MGAT5: variants seen among roughly 807,000 people sequenced by gnomAD.
MGAT5 encodes the protein alpha-1,6-mannosylglycoprotein 6-beta-N-acetylglucosaminyltransferase A.
In MGAT5, 30 loss-of-function variants were observed where a neutral mutation model predicts 94.3. The observed-to-expected ratio is 0.32, with a 90% CI of 0.24 to 0.43. The LOEUF (loss-of-function observed/expected upper bound fraction) is 0.43, where lower values mean the gene tolerates loss of function less well. Among genes scored for constraint, MGAT5 ranks in the 20% least tolerant of loss-of-function variants. The pLI, the probability that MGAT5 is intolerant of heterozygous loss-of-function variation, is 1.00. For synonymous variants in MGAT5, 310 were observed against 322.9 expected, an observed-to-expected ratio of 0.96 and a Z score of 0.43; for missense variants, 691 against 905.5, an observed-to-expected ratio of 0.76 and a Z score of 3.04.
intron 2 of MGAT5, among the ~76,000 whole-genome samples, chr2:134,286,116 A>AC (rs1331434457): frequency 8.0e-6 from 1 of 124,584 alleles, no homozygotes; most frequent in Non-Finnish European, 1.8e-5. Context: ...AAAAATTCTT[A>AC]CCCTTACCAA....
At chr2:134,300,604 A>G (rs7606775) in intron 2 of MGAT5, among the ~76,000 whole-genome samples, 84,018 of 152,052 alleles carry the variant, frequency 0.55, 26,489 homozygotes, top group Non-Finnish European at 0.71. Flanking sequence ...CAAGATTACA[A>G]TTTCCAAGAT....
chr2:134,196,847 G>T (rs1376366387), intron 1 of MGAT5, among the ~76,000 whole-genome samples: 2 of 152,200 alleles, frequency 1.3e-5, no homozygotes, highest in Non-Finnish European at 2.9e-5. Context: ...CAAAACATTG[G>T]CTGCCCCTAG....
At chr2:134,270,259 T>C in intron 1 of MGAT5, 127 bp from the exon 2 acceptor site, 3 of 898,032 alleles carry the variant, frequency 3.3e-6, no homozygotes, top group Non-Finnish European at 5.0e-6. Flanking sequence ...CAGATGTGGT[T>C]TGACAGATCT....
intron 1 of MGAT5, among the ~76,000 whole-genome samples, chr2:134,165,668 G>A (rs988941642): frequency 1.3e-5 from 2 of 152,076 alleles, no homozygotes; most frequent in Non-Finnish European, 2.9e-5. Context: ...CCAGCTACTC[G>A]GGAGGCTGAG....
At chr2:134,172,622 G>A (rs972447253) in intron 1 of MGAT5, among the ~76,000 whole-genome samples, 10 of 152,214 alleles carry the variant, frequency 6.6e-5, no homozygotes, top group Non-Finnish European at 5.9e-5. Context: ...TCCTGACCTC[G>A]TGATTCTCCC....
In MGAT5 at chr2:134,175,199, G is replaced by A. The variant is rs1688402271; in HGVS notation, c.-143+54908G>A. 2.0e-5 allele frequency among the ~76,000 whole-genome samples: 3 copies of A among 152,150 alleles called. No homozygotes were observed. The South Asian group carries it at 6.2e-4, about 32-fold the overall frequency. On this transcript the variant is annotated intron_variant, in intron 1 of 16. Coordinates refer to the MGAT5 transcript ENST00000409645. ...TGGCAAGAGATTTTCATGTTTCTTT[G>A]TCTTTCCCTAGAAAATGTCTAAATA... is the stretch of plus-strand genomic sequence containing the variant.
chr2:134,215,125 C>G (rs1680411383), intron 1 of MGAT5, among the ~76,000 whole-genome samples: 1 of 152,186 alleles, frequency 6.6e-6, no homozygotes, highest in Admixed American at 6.5e-5. Context: ...GTATAGTATT[C>G]CATTGTGTGC....
chr2:134,130,207 G>GCCCCACACCA (rs1686070535), intron 1 of MGAT5, among the ~76,000 whole-genome samples: 1 of 67,640 alleles, frequency 1.5e-5, no homozygotes, highest in Non-Finnish European at 3.0e-5. Flanking sequence ...AGCCCGCCCC[G>GCCCCACACCA]CCCCACACCG....
At chr2:134,428,559 A>C in intron 14 of MGAT5, 120 bp downstream of exon 14, 1 of 848,708 alleles carries the variant, frequency 1.2e-6, no homozygotes, top group East Asian at 2.6e-5. Context: ...GCTTTGGGAG[A>C]CTCTAGAAGC....
intron 14 of MGAT5, among the ~76,000 whole-genome samples, chr2:134,438,002 G>A (rs921378788): frequency 1.5e-5 from 2 of 135,414 alleles, no homozygotes; most frequent in East Asian, 4.4e-4. Context: ...GTGACACAGC[G>A]AGACTCCGTC....
intron 14 of MGAT5, among the ~76,000 whole-genome samples, chr2:134,432,550 G>T (rs1323491020): frequency 6.6e-6 from 1 of 152,150 alleles, no homozygotes; most frequent in Non-Finnish European, 1.5e-5. Context: ...AGGGGAGAAG[G>T]TTGGTACTAG....
At chr2:134,206,532 A>AGTAGGCTCTGTAGT (rs1283479963) in intron 1 of MGAT5, among the ~76,000 whole-genome samples, 7 of 151,864 alleles carry the variant, frequency 4.6e-5, no homozygotes, top group Non-Finnish European at 8.8e-5. Flanking sequence ...AGAAATCTGA[A>AGTAGGCTCTGTAGT]ACGGCTCTGT....
chr2:134,244,084 T>C (rs569996273), intron 1 of MGAT5, among the ~76,000 whole-genome samples: 7 of 152,318 alleles, frequency 4.6e-5, no homozygotes, highest in Admixed American at 2.6e-4. Context: ...TTTACACTTA[T>C]TATAAAATTT....
At position 134,167,187 on chromosome 2, in the gene MGAT5, TA is replaced by T. The variant is rs532330659; in HGVS notation, c.-143+46897del. Among the ~76,000 whole-genome samples, 485 of 152,302 alleles carry T rather than the reference TA, an allele frequency of 3.2e-3. 1 individual carries two copies. The highest frequency in any genetic ancestry group is 0.011 in the African/African-American group (445 of 41,556). ...ATAACAGGCAGCAGTCACCTTCCAT[TA>T]GGGGCGGGAGGGAAGGATCCTTACT... On this transcript the variant is annotated intron_variant, in intron 1 of 16. Coordinates refer to the MGAT5 transcript ENST00000409645.
At chr2:134,163,716 C>T (rs567363743) in intron 1 of MGAT5, among the ~76,000 whole-genome samples, 101 of 152,082 alleles carry the variant, frequency 6.6e-4, no homozygotes, top group Non-Finnish European at 1.2e-3. Flanking sequence ...ACTTTGGTTT[C>T]TTGTCTTAGC....
intron 10 of MGAT5, among the ~76,000 whole-genome samples, chr2:134,376,454 CGT>C (rs1347670228): frequency 1.3e-5 from 2 of 152,080 alleles, no homozygotes; most frequent in African/African-American, 4.8e-5. Context: ...TTAATGATAA[CGT>C]TTACTTCGAA....
intron 2 of MGAT5, among the ~76,000 whole-genome samples, chr2:134,297,294 A>G (rs1463814806): frequency 6.6e-6 from 1 of 152,052 alleles, no homozygotes; most frequent in Non-Finnish European, 1.5e-5. Flanking sequence ...CCATGCTCAG[A>G]TGGCTTCACT....
At chr2:134,236,780 G>A (rs1446839808) in intron 1 of MGAT5, among the ~76,000 whole-genome samples, 1 of 152,158 alleles carries the variant, frequency 6.6e-6, no homozygotes, top group Non-Finnish European at 1.5e-5. Flanking sequence ...GGTGGTGGGT[G>A]TGTGCATGGT....
chr2:134,150,253 G>A (rs1161977769), intron 1 of MGAT5, among the ~76,000 whole-genome samples: 2 of 152,154 alleles, frequency 1.3e-5, no homozygotes, highest in African/African-American at 4.8e-5. Context: ...ACCCCTATCA[G>A]CAAGGCCATT....
Sources: gnomAD v4.1 joint callset for allele counts (sites outside exome capture counted in the v4.1 genomes callset) on GRCh38, gnomAD v4.1.1 for gene constraint, MANE v1.5 for transcripts, NCBI Gene and HGNC (gene_info 2026-07-23, HGNC 2026-07-21) for gene names.